The following MED13L variants were observed in gnomAD, a reference collection of about 807,000 sequenced individuals.
The protein encoded by MED13L is mediator complex subunit 13L, also known as mediator of RNA polymerase II transcription subunit 13-like.
In MED13L, 7 loss-of-function variants were observed where a neutral mutation model predicts 220.9. The ratio of observed to expected loss-of-function variants is 0.03; its 90% CI spans 0.02 to 0.06. The LOEUF is 0.06. Among genes scored for constraint, MED13L ranks in the 10% least tolerant of loss-of-function variants. The pLI is 1.00. For synonymous variants in MED13L, 1,011 were observed against 1,015.2 expected (o/e 1.00, Z 0.08); for missense variants, 1,965 against 2,760.5 (o/e 0.71, Z 6.46).
At chr12:115,993,463 G>A (rs1236385287) in intron 16 of MED13L, among the ~76,000 whole-genome samples, 1 of 151,770 alleles carries the variant, frequency 6.6e-6, no homozygotes, top group Non-Finnish European at 1.5e-5. Flanking sequence ...TTTTTAATTA[G>A]CTATGCCTAA....
intron 4 of MED13L, among the ~76,000 whole-genome samples, chr12:116,031,968 G>C (rs1011303623): frequency 2.0e-5 from 3 of 151,906 alleles, no homozygotes; most frequent in Non-Finnish European, 4.4e-5. Context: ...AACAATAGTT[G>C]TACTCCTACA....
chr12:116,200,870 G>T (rs1192428192), intron 2 of MED13L, among the ~76,000 whole-genome samples: 2 of 152,128 alleles, frequency 1.3e-5, no homozygotes, highest in African/African-American at 2.4e-5. Context: ...TGACATAGTA[G>T]ATCGGGTAGC....
chr12:116,259,729 A>G (rs1350484762), intron 1 of MED13L, among the ~76,000 whole-genome samples: 2 of 151,902 alleles, frequency 1.3e-5, no homozygotes, highest in Non-Finnish European at 2.9e-5. Context: ...CAAAAGCAAG[A>G]AAAAAAAATC....
At chr12:116,198,626 T>C (rs1415786780) in intron 2 of MED13L, among the ~76,000 whole-genome samples, 2 of 152,202 alleles carry the variant, frequency 1.3e-5, no homozygotes, top group African/African-American at 4.8e-5. Flanking sequence ...TGACTATCAG[T>C]TAATGTTGCC....
At chr12:116,099,920 C>T (rs562744207) in intron 3 of MED13L, among the ~76,000 whole-genome samples, 70 of 152,292 alleles carry the variant, frequency 4.6e-4, no homozygotes, top group African/African-American at 1.6e-3. Context: ...ATGGAAAATA[C>T]CGATGCTTCA....
chr12:116,206,398 C>T (rs946751843), intron 2 of MED13L, among the ~76,000 whole-genome samples: 6 of 152,154 alleles, frequency 3.9e-5, no homozygotes, highest in Non-Finnish European at 8.8e-5. Flanking sequence ...CACAAGCTAA[C>T]AAAGCCAAAC....
At position 115,991,026 on chromosome 12, in the gene MED13L, T is replaced by C; in HGVS notation, c.3928A>G (p.Ser1310Gly). The change falls in exon 17 of 31, where the codon AGC becomes GGC. Residue 1310 changes from serine (S) to glycine (G), a missense_variant. Coordinates refer to ENST00000281928, the MANE Select transcript of MED13L (RefSeq NM_015335.5). This position sits in a 1 kb window ranked among gnomAD's most constrained non-coding sequence, Gnocchi z 7.7. The part of the protein sequence containing the change: ...RSATVHSWPH[S>G]NVLDISMLSS... ...TGTGTTCTGGGACACCTACCATTGC[T>C]GTGAGGCCAAGAGTGCACAGTGGCA... 6.2e-7 allele frequency: 1 copy of C among 1,613,892 alleles called. No homozygotes were observed. The highest frequency in any genetic ancestry group is 2.2e-5 in the East Asian group (1 of 44,874).
At chr12:116,013,151 T>C (rs1469680680) in intron 8 of MED13L, among the ~76,000 whole-genome samples, 3 of 152,170 alleles carry the variant, frequency 2.0e-5, no homozygotes, top group Admixed American at 6.5e-5. Context: ...GGTGGGCGGA[T>C]TGCTTGAGTC....
intron 1 of MED13L, among the ~76,000 whole-genome samples, chr12:116,239,863 C>T (rs1565944241): frequency 6.6e-6 from 1 of 152,160 alleles, no homozygotes. Flanking sequence ...CCTTGTTCTG[C>T]TAGGAGGAAA....
At position 115,960,008 on chromosome 12, in the gene MED13L, T is replaced by C. The variant is rs979694935; in HGVS notation, c.*1258A>G. The C allele has an allele frequency of 7.2e-5, 11 of 152,468 alleles. No homozygotes were observed. Among genetic ancestry groups the C allele is most frequent in the Non-Finnish European group, 1.5e-4 (10 of 67,994 alleles). The allele number at this position is 152,468 out of a possible 1,614,324, so 9.4% of individuals were successfully genotyped here. On this transcript the variant is annotated 3_prime_UTR_variant, in exon 31 of 31. Transcript: ENST00000281928. Reference sequence around the variant, plus strand: ...CACAACACAAGGGTTAGAAACAGGGTTTCAAAGACAACCCTCTGGGCCAGG... The same window carrying C: ...CACAACACAAGGGTTAGAAACAGGGCTTCAAAGACAACCCTCTGGGCCAGG...
rs557229789 is a variant in MED13L, at chr12:116,152,656, G to T, written c.311-41144C>A. Among the ~76,000 whole-genome samples the T allele has an allele frequency of 3.4e-4, 52 of 152,224 alleles. 1 individual carries two copies. The highest frequency in any genetic ancestry group is 6.8e-3 in the Middle Eastern group (2 of 294). On this transcript the variant is annotated intron_variant, in intron 2 of 30. Coordinates refer to ENST00000281928, the MANE Select transcript of MED13L (RefSeq NM_015335.5). ...GGGGGAAAGCAACCAAGGAGAGAAG[G>T]ACTGTTCAACATTGGAAAACAAATT...
At chr12:116,028,820 C>G (rs946311081) in intron 4 of MED13L, among the ~76,000 whole-genome samples, 1 of 152,166 alleles carries the variant, frequency 6.6e-6, no homozygotes, top group Non-Finnish European at 1.5e-5. Flanking sequence ...CTCAGTGAAT[C>G]AGGTCTGATT....
At chr12:116,237,317 G>C in intron 2 of MED13L, 151 bp downstream of exon 2, 1 of 699,674 alleles carries the variant, frequency 1.4e-6, no homozygotes, top group Non-Finnish European at 2.5e-6. Context: ...GGGATGGGAG[G>C]AAGAGGGGTG....
intron 23 of MED13L, among the ~76,000 whole-genome samples, chr12:115,978,230 T>G (rs1226781396): frequency 6.6e-6 from 1 of 152,086 alleles, no homozygotes; most frequent in African/African-American, 2.4e-5. Context: ...TTGTGTTTCT[T>G]TGAGGGTTGA....
chr12:116,106,585 CT>C (rs1253273923), intron 3 of MED13L, among the ~76,000 whole-genome samples: 2 of 152,176 alleles, frequency 1.3e-5, no homozygotes, highest in African/African-American at 4.8e-5. Flanking sequence ...TGGCTCACGC[CT>C]GTAGTCCCAG....
intron 4 of MED13L, among the ~76,000 whole-genome samples, chr12:116,039,638 C>T (rs1295516276): frequency 2.6e-5 from 4 of 151,996 alleles, no homozygotes; most frequent in Non-Finnish European, 4.4e-5. Context: ...TTTGAGATCA[C>T]TTTAGGTGCA....
At chr12:116,259,925 G>T (rs920336561) in intron 1 of MED13L, among the ~76,000 whole-genome samples, 1 of 151,316 alleles carries the variant, frequency 6.6e-6, no homozygotes, top group Admixed American at 6.6e-5. Context: ...TAAGCACATG[G>T]GAAATGTTAG....
intron 3 of MED13L, among the ~76,000 whole-genome samples, chr12:116,102,204 T>C (rs1873116505): frequency 6.6e-6 from 1 of 152,208 alleles, no homozygotes; most frequent in East Asian, 1.9e-4. Context: ...AATAATTAAG[T>C]GCAAATGCAG....
At chr12:116,035,652 G>A (rs1000489939) in intron 4 of MED13L, among the ~76,000 whole-genome samples, 10 of 151,900 alleles carry the variant, frequency 6.6e-5, no homozygotes, top group Non-Finnish European at 1.2e-4. Flanking sequence ...ATGCAGTGGC[G>A]CGATCATGAC....
Sources: allele counts gnomAD v4.1 joint callset (sites outside exome capture counted in the v4.1 genomes callset), GRCh38; gene constraint gnomAD v4.1.1; non-coding constraint Gnocchi (gnomAD v3.1); transcripts MANE v1.5; gene names NCBI Gene and HGNC (gene_info 2026-07-23, HGNC 2026-07-21).